Variants in MSH6 observed in about 807,000 individuals in gnomAD.
MSH6 encodes DNA mismatch repair protein Msh6.
MSH6 carries 85 observed loss-of-function variants against 119.1 expected under a neutral mutation model. The ratio of observed to expected loss-of-function variants is 0.71; its 90% CI spans 0.60 to 0.85. The LOEUF is 0.85. Ranked by LOEUF, MSH6 falls within the 40% of genes least tolerant of loss-of-function variation. The pLI is 0.00. For missense variants in MSH6, 2,163 were observed against 1,655.3 expected, an observed-to-expected ratio of 1.31 and a Z score of -5.32; for synonymous variants, 830 against 586.9, an observed-to-expected ratio of 1.41 and a Z score of -5.99.
At chr2:47,809,984 C>A (rs778079943), downstream of MSH6, 40 of 489,690 alleles carry the variant, frequency 8.2e-5, no homozygotes, top group Non-Finnish European at 1.4e-4. Flanking sequence ...TTTAACATCT[C>A]TTTTTCTGTT....
intron 1 of MSH6, among the ~76,000 whole-genome samples, chr2:47,788,570 C>CTTTTTTTTTTTTTTTTTTTT (rs531963943): frequency 9.5e-6 from 1 of 104,870 alleles, no homozygotes; most frequent in African/African-American, 3.6e-5. Flanking sequence ...TTTTCTTTTT[C>CTTTTTTTTTTTTTTTTTTTT]TTTTTTTTTT....
At chr2:47,783,774 G>T (rs1001869847) in intron 1 of MSH6, 14 of 473,834 alleles carry the variant, frequency 3.0e-5, no homozygotes, top group Non-Finnish European at 4.0e-5. Flanking sequence ...GACGCGTCCC[G>T]CCAGGTGGGG....
intron 1 of MSH6, chr2:47,784,216 C>T (rs1382302745): frequency 1.0e-6 from 1 of 1,003,590 alleles, no homozygotes; most frequent in Non-Finnish European, 1.2e-6. Context: ...AGCCGAAGTG[C>T]TGGGATCCGG....
downstream of MSH6, chr2:47,807,945 AT>A: frequency 1.6e-6 from 1 of 617,552 alleles, no homozygotes. Flanking sequence ...CTGAGTCAAT[AT>A]ATTGCCACTT....
Position 47,799,565 on chromosome 2 carries a change from G to A in MSH6, c.1582G>A (p.Glu528Lys). Residue 528 changes from glutamate to lysine, a missense_variant, in exon 4 of 10, where the codon GAA becomes AAA. Physicochemically the swap from Glu to Lys is moderately conservative, Grantham distance 56. Coordinates refer to ENST00000234420, the MANE Select transcript of MSH6 (RefSeq NM_000179.3). ...GGGTACACAGACTTACAGTGTGCTGGAAGGTGATCCCTCTGAGAACTACAG... is the reference window on the plus strand; with the variant it reads ...GGGTACACAGACTTACAGTGTGCTGAAAGGTGATCCCTCTGAGAACTACAG... ...TKGTQTYSVL[E>K]GDPSENYSKY... The A allele has an allele frequency of 6.2e-7, 1 of 1,614,172 alleles. No homozygotes were observed. Among genetic ancestry groups the A allele is most frequent in the Non-Finnish European group, 8.5e-7 (1 of 1,180,016 alleles).
chr2:47,786,621 A>G (rs1572702604), intron 1 of MSH6, among the ~76,000 whole-genome samples: 1 of 151,854 alleles, frequency 6.6e-6, no homozygotes, highest in African/African-American at 2.4e-5. Flanking sequence ...GGCGTGAACC[A>G]CCGCACCTGG....
chr2:47,788,570 C>CTTTTTCTTTTTT (rs1289777671), intron 1 of MSH6, among the ~76,000 whole-genome samples: 1 of 104,870 alleles, frequency 9.5e-6, no homozygotes, highest in Non-Finnish European at 1.9e-5. Context: ...TTTTCTTTTT[C>CTTTTTCTTTTTT]TTTTTTTTTT....
chr2:47,806,165 CCTTT>C (rs772893568), intron 7 of MSH6, 35 bp from the exon 8 acceptor site: 2 of 1,573,948 alleles, frequency 1.3e-6, no homozygotes, highest in Non-Finnish European at 1.7e-6. Context: ...TGTTTTAATT[CCTTT>C]GAGTTACTTC....
At chr2:47,787,725 TC>T (rs1668433092) in intron 1 of MSH6, among the ~76,000 whole-genome samples, 1 of 152,170 alleles carries the variant, frequency 6.6e-6, no homozygotes, top group African/African-American at 2.4e-5. Flanking sequence ...CAAGTGATCC[TC>T]CCACCTCAGC....
chr2:47,783,417 C>A lies in MSH6; in HGVS notation c.184C>A (p.Arg62Ser), dbSNP rs876659508. 7 of 1,516,972 alleles carry A rather than the reference C, an allele frequency of 4.6e-6. No homozygotes were observed. Among genetic ancestry groups the A allele is most frequent in the Non-Finnish European group, 6.2e-6 (7 of 1,135,024 alleles). The allele number at this position is 1,516,972 out of a possible 1,614,324, so 94.0% of individuals were successfully genotyped here. Reference protein sequence around the residue: ...EAGPGPRPLARSASPPKAKNL... With the variant: ...EAGPGPRPLASSASPPKAKNL... ...TGGGCCTGGGCCCAGGCCCTTGGCG[C>A]GCTCCGCGTCACCGCCCAAGGCGAA... The change falls in exon 1 of 10, where the codon CGC becomes AGC. Residue 62 changes from arginine to serine, a missense_variant. Coordinates refer to ENST00000234420, the MANE Select transcript of MSH6 (RefSeq NM_000179.3).
Position 47,806,364 on chromosome 2 carries a change from T to C in MSH6, c.3801+6T>C, listed in dbSNP as rs749922503. 3.7e-6 allele frequency: 6 copies of C among 1,614,012 alleles called. No homozygotes were observed. The highest frequency in any genetic ancestry group is 5.1e-6 in the Non-Finnish European group (6 of 1,180,014). ...CTGTGCGCCTAGGACATATGGTATGTGCAAATTGTTTTTTTCCACAAATTC... is the reference window on the plus strand; with the variant it reads ...CTGTGCGCCTAGGACATATGGTATGCGCAAATTGTTTTTTTCCACAAATTC... On this transcript the variant is annotated splice_donor_region_variant and intron_variant, in intron 8 of 9. Transcript: ENST00000234420.
intron 2 of MSH6, among the ~76,000 whole-genome samples, chr2:47,793,363 C>G (rs1302928496): frequency 7.1e-6 from 1 of 140,408 alleles, no homozygotes; most frequent in East Asian, 2.1e-4. Flanking sequence ...GGCACGGTGG[C>G]TCGCGCCTGT....
In MSH6 at chr2:47,783,549, C is replaced by T. The variant is rs1572698707; in HGVS notation, c.260+56C>T. 1.3e-5 allele frequency: 18 copies of T among 1,393,872 alleles called. No homozygotes were observed. The East Asian group carries it at 4.9e-4, about 38-fold the overall frequency. The allele number at this position is 1,393,872 out of a possible 1,614,324, so 86.3% of individuals were successfully genotyped here. ...GGGCATAGCGGCGGGGCGCTTGGAACCCGGCGAGGGGAGGCTCGCACAGGG... is the reference window on the plus strand; with the variant it reads ...GGGCATAGCGGCGGGGCGCTTGGAATCCGGCGAGGGGAGGCTCGCACAGGG... On this transcript the variant is annotated intron_variant, in intron 1 of 9. Transcript: ENST00000234420.
chr2:47,803,709 T>A (rs2104487838), intron 5 of MSH6, 24 bp downstream of exon 5: 1 of 1,613,966 alleles, frequency 6.2e-7, no homozygotes, highest in Non-Finnish European at 8.5e-7. Flanking sequence ...AAAGTTTTGT[T>A]ATCAGAAAGT....
chr2:47,793,934 G>A (rs898357921), intron 2 of MSH6, among the ~76,000 whole-genome samples: 6 of 150,724 alleles, frequency 4.0e-5, no homozygotes, highest in Non-Finnish European at 8.9e-5. Context: ...GTTTCACCAC[G>A]TTGTCCAGGC....
chr2:47,809,846 A>G, downstream of MSH6: 1 of 573,468 alleles, frequency 1.7e-6, no homozygotes, highest in East Asian at 2.9e-5. Context: ...AAATGTAGAT[A>G]CCTATTTCAA....
chr2:47,803,022 C>T (rs1669697588), intron 4 of MSH6, among the ~76,000 whole-genome samples: 1 of 152,178 alleles, frequency 6.6e-6, no homozygotes, highest in Admixed American at 6.5e-5. Flanking sequence ...AGTGATTCTC[C>T]TGCCTCAGCC....
At chr2:47,790,775 A>G (rs965896730) in intron 1 of MSH6, 152 bp from the exon 2 acceptor site, 11 of 702,406 alleles carry the variant, frequency 1.6e-5, no homozygotes, top group Non-Finnish European at 2.4e-5. Flanking sequence ...CATTTTTTAA[A>G]TGACTTGAAT....
chr2:47,795,855 C>CA, intron 2 of MSH6, 39 bp from the exon 3 acceptor site: 1 of 1,588,432 alleles, frequency 6.3e-7, no homozygotes. Flanking sequence ...TGAGCCTCTG[C>CA]ACCCGGCCCT....
Sources: gnomAD v4.1 joint callset for allele counts (sites outside exome capture counted in the v4.1 genomes callset) on GRCh38, gnomAD v4.1.1 for gene constraint, MANE v1.5 for transcripts, NCBI Gene and HGNC (gene_info 2026-07-23, HGNC 2026-07-21) for gene names.